Variants in IRAG1 observed in about 807,000 individuals in gnomAD.
The protein encoded by IRAG1 is inositol 1,4,5-triphosphate receptor associated 1.
A neutral mutation model predicts 106.2 loss-of-function variants in IRAG1; 62 were observed. The observed-to-expected ratio is 0.58, with a 90% CI of 0.48 to 0.72. The LOEUF is 0.72. Ranked by LOEUF, IRAG1 falls within the 30% of genes least tolerant of loss-of-function variation. The probability of loss-of-function intolerance (pLI) is 0.00; values close to 1 mark genes in which losing one functional copy is unlikely to be tolerated. For synonymous variants in IRAG1, 462 were observed against 443.9 expected, an observed-to-expected ratio of 1.04 and a Z score of -0.51; for missense variants, 1,064 against 1,140.7, an observed-to-expected ratio of 0.93 and a Z score of 0.97.
intron 19 of IRAG1, among the ~76,000 whole-genome samples, 165 bp from the exon 20 acceptor site, chr11:10,580,754 G>A (rs1435732026): frequency 6.6e-6 from 1 of 152,190 alleles, no homozygotes; most frequent in African/African-American, 2.4e-5. Context: ...TCCTAAGGCA[G>A]CTCACGCCAG....
chr11:10,627,348 G>T (rs1186372321), intron 8 of IRAG1, among the ~76,000 whole-genome samples: 2 of 152,108 alleles, frequency 1.3e-5, no homozygotes, highest in Non-Finnish European at 2.9e-5. Flanking sequence ...AGGTTTTCCC[G>T]GCTTCCCCAG....
At chr11:10,576,599 G>A in intron 20 of IRAG1, 24 bp from the exon 21 acceptor site, 2 of 1,613,416 alleles carry the variant, frequency 1.2e-6, no homozygotes, top group Non-Finnish European at 1.7e-6. Context: ...AAAATATGCA[G>A]AGGCTTTAGT....
rs368374215 is a variant in IRAG1 at position 10,691,309 on chromosome 11, C to T, written c.67+2227G>A. On this transcript the variant is annotated intron_variant, in intron 1 of 20. Coordinates refer to ENST00000423302, the MANE Select transcript of IRAG1 (RefSeq NM_130385.4). Reference sequence around the variant, plus strand: ...TGCTAGACACACAACGGGTGAGGAACGGGATAAGGTCTCCGCCCTTGCAGG... The same window carrying T: ...TGCTAGACACACAACGGGTGAGGAATGGGATAAGGTCTCCGCCCTTGCAGG... 6.2e-4 allele frequency among the ~76,000 whole-genome samples: 94 copies of T among 152,336 alleles called. 3 individuals carry two copies. In the South Asian group the frequency reaches 0.018, roughly 29 times the overall value.
At chr11:10,582,514 C>A (rs541094849) in intron 18 of IRAG1, among the ~76,000 whole-genome samples, 1 of 152,276 alleles carries the variant, frequency 6.6e-6, no homozygotes, top group South Asian at 2.1e-4. Context: ...TGATTAATTA[C>A]AAATAATAAC....
chr11:10,652,084 T>C lies in IRAG1; in HGVS notation c.166A>G (p.Ile56Val), dbSNP rs1404938919. The C allele has an allele frequency of 6.2e-7, 1 of 1,605,184 alleles. No homozygotes were observed. The highest frequency in any genetic ancestry group is 8.5e-7 in the Non-Finnish European group (1 of 1,176,308). ...HSQQEAAMPH[I>V]PEDEEPPGEP... Reference sequence around the variant, plus strand: ...CCGGGGGGCTCCTCGTCCTCGGGAATGTGGGGCATGGCAGCCTCCTGCTGG... The same window carrying C: ...CCGGGGGGCTCCTCGTCCTCGGGAACGTGGGGCATGGCAGCCTCCTGCTGG... The change falls in exon 2 of 21, where the codon ATT (isoleucine) becomes GTT (valine). Residue 56 changes from isoleucine to valine, a missense_variant. Ile to Val is a conservative substitution (Grantham distance 29). Coordinates refer to ENST00000423302, the MANE Select transcript of IRAG1 (RefSeq NM_130385.4).
chr11:10,644,037 C>T (rs890908877), intron 2 of IRAG1, among the ~76,000 whole-genome samples: 18 of 152,270 alleles, frequency 1.2e-4, no homozygotes, highest in Admixed American at 6.5e-5. Context: ...ACCAGAACCA[C>T]TAGAGGCCAG....
intron 18 of IRAG1, among the ~76,000 whole-genome samples, chr11:10,584,901 T>C (rs943276060): frequency 1.6e-4 from 25 of 152,152 alleles, no homozygotes; most frequent in Admixed American, 5.2e-4. Flanking sequence ...TATTGTTATA[T>C]AGTAAATGTA....
At position 10,657,884 on chromosome 11, in the gene IRAG1, C is replaced by T. The variant is rs1859045677; in HGVS notation, c.68-5702G>A. Among the ~76,000 whole-genome samples, 1 of 152,166 alleles carries T rather than the reference C, an allele frequency of 6.6e-6. No individual in the cohort carries two copies. The highest frequency in any genetic ancestry group is 1.5e-5 in the Non-Finnish European group (1 of 68,030). Reference sequence around the variant, plus strand: ...AGGCCCAGAGGGGCAGGCATGTGACCAAGGCCACATCTATGAGTGAGGGGC... The same window carrying T: ...AGGCCCAGAGGGGCAGGCATGTGACTAAGGCCACATCTATGAGTGAGGGGC... On this transcript the variant is annotated intron_variant, in intron 1 of 20. Coordinates refer to ENST00000423302, the MANE Select transcript of IRAG1 (RefSeq NM_130385.4). This position sits in a 1 kb window ranked among gnomAD's most constrained non-coding sequence, Gnocchi z 4.1.
chr11:10,673,025 G>A (rs1048362935), intron 1 of IRAG1, among the ~76,000 whole-genome samples: 2 of 152,172 alleles, frequency 1.3e-5, no homozygotes, highest in Admixed American at 6.5e-5. Flanking sequence ...GCTCACACTT[G>A]TAATCCCAGC....
At chr11:10,606,550 T>C (rs1854492987) in intron 12 of IRAG1, among the ~76,000 whole-genome samples, 192 bp downstream of exon 12, 1 of 152,202 alleles carries the variant, frequency 6.6e-6, no homozygotes, top group Non-Finnish European at 1.5e-5. Context: ...TGTCAAAATC[T>C]TCCATGAACG....
rs183926576 is a variant in IRAG1 at position 10,578,809 on chromosome 11, T to C, written c.2495+1646A>G. 1.3e-3 allele frequency among the ~76,000 whole-genome samples: 194 copies of C among 152,180 alleles called. 1 individual carries two copies. Among genetic ancestry groups the C allele is most frequent in the Admixed American group, 3.6e-3 (55 of 15,280 alleles). On this transcript the variant is annotated intron_variant, in intron 20 of 20. Coordinates refer to ENST00000423302, the MANE Select transcript of IRAG1 (RefSeq NM_130385.4). Reference sequence around the variant, plus strand: ...TTAGCTAGATAAGACATTGAGCCCCTTGCTTTGCAAACCAGACTGTTTATA... The same window carrying C: ...TTAGCTAGATAAGACATTGAGCCCCCTGCTTTGCAAACCAGACTGTTTATA...
intron 2 of IRAG1, among the ~76,000 whole-genome samples, chr11:10,646,414 G>C (rs1168111850): frequency 6.6e-6 from 1 of 152,016 alleles, no homozygotes; most frequent in African/African-American, 2.4e-5. Context: ...CTTTAGTGCA[G>C]TCATTTAATC....
At chr11:10,601,205 A>C in intron 14 of IRAG1, 146 bp from the exon 15 acceptor site, 4 of 1,153,490 alleles carry the variant, frequency 3.5e-6, no homozygotes, top group Non-Finnish European at 4.9e-6. Flanking sequence ...GCTGTCTGCC[A>C]TGTGAGCTGA....
chr11:10,682,204 G>A (rs1483908792), intron 1 of IRAG1, among the ~76,000 whole-genome samples: 35 of 152,230 alleles, frequency 2.3e-4, no homozygotes, highest in Admixed American at 2.3e-3. Context: ...ATAAATGACA[G>A]TAATTTACAG....
chr11:10,672,027 T>C (rs1860274530), intron 1 of IRAG1, among the ~76,000 whole-genome samples: 1 of 152,200 alleles, frequency 6.6e-6, no homozygotes, highest in Non-Finnish European at 1.5e-5. Flanking sequence ...GCAACAGACT[T>C]GAGAGTTCAT....
At position 10,584,548 on chromosome 11, in the gene IRAG1, A is replaced by AATATATATATATAT. The variant is rs56768282; in HGVS notation, c.2241-2576_2241-2563dup. 8.2e-3 allele frequency among the ~76,000 whole-genome samples: 810 copies of AATATATATATATAT among 98,446 alleles called. 18 individuals are homozygous for AATATATATATATAT. The highest frequency in any genetic ancestry group is 0.012 in the South Asian group (28 of 2,388). The allele number at this position is 98,446 out of a possible 152,430, so 64.6% of individuals were successfully genotyped here. ...GGCAGGGAAAGTAATTCTTTCATGA[A>AATATATATATATAT]ATATATATATATATATATATATATA... On this transcript the variant is annotated intron_variant, in intron 18 of 20. Coordinates refer to ENST00000423302, the MANE Select transcript of IRAG1 (RefSeq NM_130385.4).
At chr11:10,649,416 C>T (rs924479634) in intron 2 of IRAG1, among the ~76,000 whole-genome samples, 1 of 152,118 alleles carries the variant, frequency 6.6e-6, no homozygotes, top group African/African-American at 2.4e-5. Flanking sequence ...GTCTAGGAGG[C>T]AGCAACTAAC....
chr11:10,662,652 T>C (rs994741353), intron 1 of IRAG1, among the ~76,000 whole-genome samples: 1 of 152,228 alleles, frequency 6.6e-6, no homozygotes, highest in Non-Finnish European at 1.5e-5. Flanking sequence ...TTATGTGTGT[T>C]CAAATGCGGC....
intron 14 of IRAG1, among the ~76,000 whole-genome samples, chr11:10,601,589 G>C (rs1854019473): frequency 6.6e-6 from 1 of 152,208 alleles, no homozygotes; most frequent in Non-Finnish European, 1.5e-5. Flanking sequence ...GACACTGCAG[G>C]TCCTCCTACC....
Sources: allele counts gnomAD v4.1 joint callset (sites outside exome capture counted in the v4.1 genomes callset), GRCh38; gene constraint gnomAD v4.1.1; non-coding constraint Gnocchi (gnomAD v3.1); transcripts MANE v1.5; gene names NCBI Gene and HGNC (gene_info 2026-07-23, HGNC 2026-07-21).